The following BIRC7 variants were observed in gnomAD, a reference collection of about 807,000 sequenced individuals.
The protein encoded by BIRC7 is baculoviral IAP repeat containing 7, also known as baculoviral IAP repeat-containing protein 7.
BIRC7 carries 26 observed loss-of-function variants against 33.2 expected under a neutral mutation model. The ratio of observed to expected loss-of-function variants is 0.78; its 90% CI spans 0.57 to 1.09. The LOEUF (loss-of-function observed/expected upper bound fraction) is 1.09, where lower values mean the gene tolerates loss of function less well. Among genes scored for constraint, BIRC7 ranks in the 50% least tolerant of loss-of-function variants. BIRC7 has a pLI of 0.00. For missense variants in BIRC7, 409 were observed against 401.2 expected, an observed-to-expected ratio of 1.02 and a Z score of -0.17; for synonymous variants, 176 against 171.0, an observed-to-expected ratio of 1.03 and a Z score of -0.23.
Position 63,239,444 on chromosome 20 carries a change from C to G in BIRC7, c.736C>G (p.Leu246Val), listed in dbSNP as rs1484785031. 6.2e-7 allele frequency: 1 copy of G among 1,606,744 alleles called. No homozygotes were observed. Among genetic ancestry groups the G allele is most frequent in the Admixed American group, 1.7e-5 (1 of 60,026 alleles). ...ARDVEAQLRR[L>V]QEERTCKVCL... ...GGATGTGGAGGCGCAGCTGCGGCGG[C>G]TGCAGGAGGAGAGGACGTGCAAGGT... Residue 246 changes from leucine (L) to valine (V), a missense_variant, in exon 6 of 7, where the codon CTG becomes GTG. Coordinates refer to ENST00000217169, the MANE Select transcript of BIRC7 (RefSeq NM_139317.3).
chr20:63,237,491 G>A (rs974757301), intron 1 of BIRC7, among the ~76,000 whole-genome samples: 5 of 152,130 alleles, frequency 3.3e-5, no homozygotes, highest in Non-Finnish European at 7.4e-5. Flanking sequence ...CCTGGCCCCA[G>A]ACTGGCCTTC....
chr20:63,237,693 C>T (rs565725620), intron 1 of BIRC7, among the ~76,000 whole-genome samples: 6 of 152,266 alleles, frequency 3.9e-5, no homozygotes, highest in East Asian at 3.9e-4. Flanking sequence ...CCATCCTGGC[C>T]GGCACCCCAG....
At position 63,236,267 on chromosome 20, in the gene BIRC7, C is replaced by G. The variant is rs11537908; in HGVS notation, c.171C>G (p.Gly57=). 4.8e-3 allele frequency: 7,646 copies of G among 1,608,492 alleles called. 51 individuals are homozygous for G. The highest frequency in any genetic ancestry group is 0.015 in the South Asian group (1,317 of 90,412). The stretch of plus-strand genomic sequence containing the variant: ...ACCACGTGGATGGGCAGATCCTGGG[C>G]CAGCTGCGGCCCCTGACAGAGGAGG... The part of the protein sequence containing the change: ...AWDHVDGQIL[G]QLRPLTEEEE... The change falls in exon 1 of 7, where the codon GGC becomes GGG. Residue 57 remains glycine (G), a synonymous_variant. Coordinates refer to ENST00000217169, the MANE Select transcript of BIRC7 (RefSeq NM_139317.3).
chr20:63,236,528 G>A (rs1010193635), intron 1 of BIRC7, 83 bp downstream of exon 1: 42 of 1,448,722 alleles, frequency 2.9e-5, no homozygotes, highest in African/African-American at 1.7e-4. Flanking sequence ...TGCCTCCTCC[G>A]TAGCATCCAT....
rs1434207036 is a variant in BIRC7, at chr20:63,239,187, G to T, written c.603G>T (p.Leu201=). The T allele has an allele frequency of 6.2e-7, 1 of 1,612,828 alleles. No individual in the cohort carries two copies. Among genetic ancestry groups the T allele is most frequent in the Non-Finnish European group, 8.5e-7 (1 of 1,179,978 alleles). Residue 201 remains leucine, a synonymous_variant, in exon 5 of 7, where the codon CTG becomes CTT. Coordinates refer to ENST00000217169, the MANE Select transcript of BIRC7 (RefSeq NM_139317.3). ...TCCCTGCCTCTGGGTACCCTGAGCT[G>T]CCCACACCCAGGAGAGAGGTCCAGT... is the stretch of plus-strand genomic sequence containing the variant. The part of the protein sequence containing the change: ...PSVPASGYPE[L]PTPRREVQSE...
At position 63,239,587 on chromosome 20, in the gene BIRC7, G is replaced by A. The variant is rs767958488; in HGVS notation, c.879G>A (p.Val293=). 3.8e-6 allele frequency: 6 copies of A among 1,597,986 alleles called. No individual in the cohort carries two copies. The Admixed American group carries it at 8.4e-5, about 22-fold the overall frequency. The part of the protein sequence containing the change: ...PICRAPVRSR[V]RTFLS ...GCAGAGCCCCCGTCCGCAGCCGCGTGCGCACCTTCCTGTCCTAGGCCAGGT... is the reference window on the plus strand; with the variant it reads ...GCAGAGCCCCCGTCCGCAGCCGCGTACGCACCTTCCTGTCCTAGGCCAGGT... Residue 293 remains valine, a synonymous_variant, in exon 6 of 7, where the codon GTG becomes GTA. Transcript: ENST00000217169.
At chr20:63,239,287 C>A (rs745419633) in intron 5 of BIRC7, 54 bp downstream of exon 5, 3 of 1,607,262 alleles carry the variant, frequency 1.9e-6, no homozygotes, top group South Asian at 2.2e-5. Context: ...GGCTGAGGGA[C>A]CCCGACCTTC....
At chr20:63,236,988 T>G (rs1775817405) in intron 1 of BIRC7, among the ~76,000 whole-genome samples, 1 of 152,206 alleles carries the variant, frequency 6.6e-6, no homozygotes, top group Admixed American at 6.5e-5. Context: ...GGCCCGGGCC[T>G]GCTCCTCTGC....
In BIRC7 at chr20:63,237,896, A is replaced by G; in HGVS notation, c.350-7A>G. 6.3e-7 allele frequency: 1 copy of G among 1,589,172 alleles called. No homozygotes were observed. Among genetic ancestry groups the G allele is most frequent in the Non-Finnish European group, 8.5e-7 (1 of 1,171,286 alleles). The stretch of plus-strand genomic sequence containing the variant: ...TTGGCTGGGGCCAGCATCTCTCCGC[A>G]CCCCAGGCCATCAGGACAAGGTGAG... On this transcript the variant is annotated splice_region_variant and splice_polypyrimidine_tract_variant and intron_variant, in intron 1 of 6. Transcript: ENST00000217169.
At chr20:63,237,845 C>A in intron 1 of BIRC7, 58 bp from the exon 2 acceptor site, 1 of 1,470,758 alleles carries the variant, frequency 6.8e-7, no homozygotes, top group Admixed American at 2.4e-5. Context: ...GAAGGACACA[C>A]CGGGGGCCCG....
In BIRC7 at chr20:63,237,967, C is replaced by T. The variant is rs776404641; in HGVS notation, c.414C>T (p.Asp138=). ...YGGLQSWKRG[D]DPWTEHAKWF... ...GCCTGCAGAGCTGGAAGCGCGGGGA[C>T]GACCCCTGGACGGAGCATGCCAAGT... Residue 138 remains aspartate (D), a synonymous_variant, in exon 2 of 7, where the codon GAC becomes GAT. Coordinates refer to ENST00000217169, the MANE Select transcript of BIRC7 (RefSeq NM_139317.3). 6.8e-6 allele frequency: 11 copies of T among 1,608,488 alleles called. No individual in the cohort carries two copies. The highest frequency in any genetic ancestry group is 9.3e-6 in the Non-Finnish European group (11 of 1,178,432).
chr20:63,236,952 G>A (rs2066692747), intron 1 of BIRC7, among the ~76,000 whole-genome samples: 1 of 152,224 alleles, frequency 6.6e-6, no homozygotes, highest in South Asian at 2.1e-4. Flanking sequence ...ACTGAATCAA[G>A]TCCCCGGAGT....
intron 4 of BIRC7, 149 bp from the exon 5 acceptor site, chr20:63,239,013 G>A (rs1347897404): frequency 2.4e-6 from 2 of 816,488 alleles, no homozygotes; most frequent in African/African-American, 1.7e-5. Flanking sequence ...TGCTGTGGGA[G>A]GGGTGGGAAG....
In BIRC7 at chr20:63,238,439, A is replaced by G. The variant is rs372159109; in HGVS notation, c.493A>G (p.Ser165Gly). Reference sequence around the variant, plus strand: ...GTCAAAAGGAAGAGACTTTGTCCACAGTGTGCAGGAGACTCACTCCCAGCT... The same window carrying G: ...GTCAAAAGGAAGAGACTTTGTCCACGGTGTGCAGGAGACTCACTCCCAGCT... The part of the protein sequence containing the change: ...LRSKGRDFVH[S>G]VQETHSQLLG... Residue 165 changes from serine (S) to glycine (G), a missense_variant, in exon 3 of 7, where the codon AGT (serine) becomes GGT (glycine). Physicochemically the swap from Ser to Gly is moderately conservative, Grantham distance 56. Transcript: ENST00000217169. 1 of 1,612,416 alleles carries G rather than the reference A, an allele frequency of 6.2e-7. No homozygotes were observed. Among genetic ancestry groups the G allele is most frequent in the Non-Finnish European group, 8.5e-7 (1 of 1,179,946 alleles).
intron 4 of BIRC7, 197 bp downstream of exon 4, chr20:63,238,811 G>C (rs1036964050): frequency 1.4e-6 from 1 of 737,386 alleles, no homozygotes; most frequent in Non-Finnish European, 2.2e-6. Context: ...GCCTCCCCCA[G>C]TGCCAGGCCC....
rs2066690419 is a variant in BIRC7 at position 63,236,549 on chromosome 20, G to A, written c.349+104G>A. On this transcript the variant is annotated intron_variant, in intron 1 of 6. Transcript: ENST00000217169. ...CTCCGTAGCATCCATCCCCCAACAG[G>A]AAGGGTCTGGCCTGATGACGGAGCA... The A allele has an allele frequency of 2.8e-6, 4 of 1,416,776 alleles. No homozygotes were observed. The South Asian group carries it at 4.8e-5, about 17-fold the overall frequency. 87.8% of individuals were successfully genotyped at this position (1,416,776 alleles called of 1,614,324 possible).
chr20:63,238,962 G>A lies in BIRC7; in HGVS notation c.578-200G>A, dbSNP rs1397025232. The A allele has an allele frequency of 4.6e-6, 3 of 656,264 alleles. No individual in the cohort carries two copies. The African/African-American group carries it at 5.5e-5, about 12-fold the overall frequency. The allele number at this position is 656,264 out of a possible 1,614,324, so 40.7% of individuals were successfully genotyped here. On this transcript the variant is annotated intron_variant, in intron 4 of 6. Coordinates refer to ENST00000217169, the MANE Select transcript of BIRC7 (RefSeq NM_139317.3). ...GCAGAGGGCATTGGACAAGGGACAG[G>A]CTCTCTGGTGGCGCCTCCAGGAAGC...
rs780891467 is a variant in BIRC7, at chr20:63,236,426, T to C, written c.330T>C (p.Ala110=). The C allele has an allele frequency of 5.8e-6, 9 of 1,544,090 alleles. No homozygotes were observed. The highest frequency in any genetic ancestry group is 7.0e-6 in the Non-Finnish European group (8 of 1,143,906). The stretch of plus-strand genomic sequence containing the variant: ...AGGTGCCACCCGAGCTGCTGGCTGC[T>C]GCCGGCTTCTTCCACACAGGTCAGT... ...TAEVPPELLA[A]AGFFHTGHQD... Residue 110 remains alanine, a synonymous_variant, in exon 1 of 7, where the codon GCT becomes GCC. Transcript: ENST00000217169.
Position 63,238,068 on chromosome 20 carries a change from G to T in BIRC7, c.449+66G>T, listed in dbSNP as rs1045721669. On this transcript the variant is annotated intron_variant, in intron 2 of 6. Coordinates refer to ENST00000217169, the MANE Select transcript of BIRC7 (RefSeq NM_139317.3). Reference sequence around the variant, plus strand: ...TAGGGGGTGGGCCCCCAACGGCTCTGTCGACCCAACACCAGGCCTGCTTTG... The same window carrying T: ...TAGGGGGTGGGCCCCCAACGGCTCTTTCGACCCAACACCAGGCCTGCTTTG... The T allele has an allele frequency of 1.0e-5, 14 of 1,391,310 alleles. No individual in the cohort carries two copies. The South Asian group carries it at 1.9e-4, about 18-fold the overall frequency. The allele number at this position is 1,391,310 out of a possible 1,614,324, so 86.2% of individuals were successfully genotyped here.
Sources: gnomAD v4.1 joint callset for allele counts (sites outside exome capture counted in the v4.1 genomes callset) on GRCh38, gnomAD v4.1.1 for gene constraint, MANE v1.5 for transcripts, NCBI Gene and HGNC (gene_info 2026-07-23, HGNC 2026-07-21) for gene names.